DIP2A: variants seen among roughly 807,000 people sequenced by gnomAD.
DIP2A encodes disco-interacting protein 2 homolog A.
Under a neutral mutation model 177.4 loss-of-function variants are expected in DIP2A, and 85 were observed. The observed-to-expected ratio is 0.48, with a 90% CI of 0.40 to 0.57. The LOEUF is 0.57. Among genes scored for constraint, DIP2A ranks in the 20% least tolerant of loss-of-function variants. DIP2A has a pLI of 0.00. For synonymous variants in DIP2A, 886 were observed against 881.8 expected (o/e 1.00, Z -0.08); for missense variants, 1,791 against 2,100.2 (o/e 0.85, Z 2.88).
intron 20 of DIP2A, 41 bp downstream of exon 20, chr21:46,546,002 G>T (rs770364412): frequency 6.2e-7 from 1 of 1,613,672 alleles, no homozygotes; most frequent in South Asian, 1.1e-5. Flanking sequence ...AGTCAGAGAA[G>T]GTAGGGGGTG....
chr21:46,579,293 C>G, the DIP2A span, among the ~76,000 whole-genome samples: 2 of 152,264 alleles, frequency 1.3e-5, no homozygotes, highest in Admixed American at 6.5e-5. Flanking sequence ...TCCGTAGGGT[C>G]AGTGGTGATA....
rs1338422210 is a variant in DIP2A at position 46,498,638 on chromosome 21, T to C, written c.460T>C (p.Ser154Pro). ...GSLRRPGRLT[S>P]TPLQSHSSVE... Reference sequence around the variant, plus strand: ...TTTACGGCGACCCGGGCGACTCACCTCCACTCCGCTCCAGAGCCATTCCAG... The same window carrying C: ...TTTACGGCGACCCGGGCGACTCACCCCCACTCCGCTCCAGAGCCATTCCAG... The change falls in exon 5 of 38, where the codon TCC (serine) becomes CCC (proline). Residue 154 changes from serine (S) to proline (P), a missense_variant. Transcript: ENST00000417564. This position sits in a 1 kb window ranked among gnomAD's most constrained non-coding sequence, Gnocchi z 4.3. 6.2e-7 allele frequency: 1 copy of C among 1,613,436 alleles called. No individual in the cohort carries two copies. Among genetic ancestry groups the C allele is most frequent in the East Asian group, 2.2e-5 (1 of 44,864 alleles).
At position 46,509,002 on chromosome 21, in the gene DIP2A, A is replaced by C. The variant is rs1391081456; in HGVS notation, c.785-255A>C. Among the ~76,000 whole-genome samples, 3 of 152,088 alleles carry C rather than the reference A, an allele frequency of 2.0e-5. No homozygotes were observed. The East Asian group carries it at 5.8e-4, about 29-fold the overall frequency. On this transcript the variant is annotated intron_variant, in intron 6 of 37. Transcript: ENST00000417564. ...CCACTGCACTCTAGCCTGGCAACAG[A>C]GTGAGTCTCCGTCTAAAGCAAAAAA...
intron 18 of DIP2A, among the ~76,000 whole-genome samples, chr21:46,543,560 C>G (rs1325818663): frequency 6.6e-6 from 1 of 152,214 alleles, no homozygotes; most frequent in Admixed American, 6.5e-5. Flanking sequence ...GGCACTCCCC[C>G]AGGTGGACCC....
intron 1 of DIP2A, among the ~76,000 whole-genome samples, chr21:46,480,366 C>G (rs9306153): frequency 0.38 from 57,765 of 151,964 alleles, 11,320 homozygotes; most frequent in African/African-American, 0.45. Context: ...AAAACCTGCC[C>G]CCGTGATTCA....
chr21:46,552,034 C>A, intron 25 of DIP2A, 130 bp downstream of exon 25: 1 of 1,093,618 alleles, frequency 9.1e-7, no homozygotes, highest in South Asian at 1.4e-5. Flanking sequence ...GTGGACTCAG[C>A]CCCCGTCCTG....
intron 9 of DIP2A, 72 bp from the exon 10 acceptor site, chr21:46,532,055 A>C (rs2076588632): frequency 1.4e-6 from 2 of 1,409,024 alleles, no homozygotes; most frequent in African/African-American, 2.9e-5. Flanking sequence ...TTTATTTATA[A>C]CTAGCTTTTA....
chr21:46,459,499 C>G (rs1412511448), intron 1 of DIP2A, among the ~76,000 whole-genome samples: 1 of 142,068 alleles, frequency 7.0e-6, no homozygotes, highest in Non-Finnish European at 1.6e-5. Flanking sequence ...CCCCGAGACC[C>G]CGGCCCCTTA....
intron 11 of DIP2A, 120 bp downstream of exon 11, chr21:46,533,767 T>A: frequency 4.2e-6 from 6 of 1,445,764 alleles, no homozygotes; most frequent in Non-Finnish European, 5.7e-6. Context: ...TGATCCCTTG[T>A]TCGAGTCCTT....
chr21:46,480,297 G>A (rs1249678888), intron 1 of DIP2A, among the ~76,000 whole-genome samples: 2 of 152,130 alleles, frequency 1.3e-5, no homozygotes, highest in Non-Finnish European at 2.9e-5. Context: ...CAGGGGAACT[G>A]TCCTTTTATA....
rs147674005 is a variant in DIP2A, at chr21:46,517,205, G to T, written c.1102+5591G>T. Among the ~76,000 whole-genome samples, 725 of 151,626 alleles carry T rather than the reference G, an allele frequency of 4.8e-3. 7 individuals are homozygous for T. Among genetic ancestry groups the T allele is most frequent in the African/African-American group, 0.016 (679 of 41,352 alleles). On this transcript the variant is annotated intron_variant, in intron 8 of 37. Transcript: ENST00000417564. ...GCCTCCTGAGTAGCTGGGACTACAG[G>T]TGCACAGCACTACGCCCAGCTAATT... is the stretch of plus-strand genomic sequence containing the variant.
intron 8 of DIP2A, among the ~76,000 whole-genome samples, chr21:46,513,591 A>G (rs1450592996): frequency 1.3e-5 from 2 of 152,214 alleles, no homozygotes; most frequent in African/African-American, 4.8e-5. Flanking sequence ...TAACTTGTCA[A>G]TTTCCATAAA....
intron 1 of DIP2A, among the ~76,000 whole-genome samples, chr21:46,475,853 A>G (rs1305193013): frequency 2.0e-5 from 3 of 152,138 alleles, no homozygotes; most frequent in South Asian, 2.1e-4. Flanking sequence ...GAAACAATCG[A>G]TAGTGTTTTT....
intron 10 of DIP2A, among the ~76,000 whole-genome samples, chr21:46,532,493 A>T (rs557602176): frequency 4.9e-4 from 75 of 152,322 alleles, no homozygotes; most frequent in African/African-American, 1.8e-3. Context: ...TATTAGGTGG[A>T]GCTGTTCTAT....
intron 8 of DIP2A, among the ~76,000 whole-genome samples, chr21:46,528,269 A>G (rs928917850): frequency 6.6e-6 from 1 of 152,156 alleles, no homozygotes; most frequent in African/African-American, 2.4e-5. Flanking sequence ...ATGTTAAAAC[A>G]AAGATATGAC....
intron 6 of DIP2A, among the ~76,000 whole-genome samples, chr21:46,504,957 G>A (rs2057897260): frequency 6.6e-6 from 1 of 152,210 alleles, no homozygotes; most frequent in Non-Finnish European, 1.5e-5. Flanking sequence ...TGCAGGCTCA[G>A]AGATGTCAGT....
intron 20 of DIP2A, chr21:46,546,455 G>A (rs912329550): frequency 6.9e-6 from 2 of 289,062 alleles, no homozygotes; most frequent in African/African-American, 2.3e-5. Context: ...GGCCAGAGAT[G>A]CTGCTCAGTG....
intron 25 of DIP2A, chr21:46,553,362 C>T (rs1377988997): frequency 1.3e-5 from 2 of 152,184 alleles, no homozygotes; most frequent in Non-Finnish European, 2.9e-5. Flanking sequence ...ATTTATTAGA[C>T]TGAATTGCAC....
intron 5 of DIP2A, among the ~76,000 whole-genome samples, chr21:46,503,077 C>T (rs1453659329): frequency 6.6e-6 from 1 of 152,070 alleles, no homozygotes; most frequent in African/African-American, 2.4e-5. Flanking sequence ...AATCCCAGCA[C>T]TTCAGGAGGC....
Sources: allele counts gnomAD v4.1 joint callset (sites outside exome capture counted in the v4.1 genomes callset), GRCh38; gene constraint gnomAD v4.1.1; non-coding constraint Gnocchi (gnomAD v3.1); transcripts MANE v1.5; gene names NCBI Gene and HGNC (gene_info 2026-07-23, HGNC 2026-07-21).